The following RHD variants were observed in gnomAD, a reference collection of about 807,000 sequenced individuals.
RHD encodes the protein blood group Rh(D) polypeptide.
In RHD, 16 loss-of-function variants were observed where a neutral mutation model predicts 45.5. The observed-to-expected ratio is 0.35, with a 90% confidence interval of 0.24 to 0.53. The LOEUF (loss-of-function observed/expected upper bound fraction) is 0.53. Ranked by LOEUF, RHD falls within the 20% of genes least tolerant of loss-of-function variation. The probability of loss-of-function intolerance (pLI) is 0.92; values close to 1 mark genes in which losing one functional copy is unlikely to be tolerated. For missense variants in RHD, 306 were observed against 532.0 expected, an observed-to-expected ratio of 0.58 and a Z score of 4.18; for synonymous variants, 131 against 217.5, an observed-to-expected ratio of 0.60 and a Z score of 3.50.
chr1:25,305,750 A>T (rs574989885), intron 6 of RHD, among the ~76,000 whole-genome samples: 2 of 129,760 alleles, frequency 1.5e-5, no homozygotes, highest in African/African-American at 2.7e-5. Flanking sequence ...ACAGGCGCCC[A>T]CCACCACGCC....
In RHD at chr1:25,285,395, A is replaced by C. The variant is rs1035381544; in HGVS notation, c.335+636A>C. Among the ~76,000 whole-genome samples the C allele has an allele frequency of 2.2e-5, 3 of 134,780 alleles. 1 individual carries two copies. The highest frequency in any genetic ancestry group is 7.7e-5 in the African/African-American group (3 of 38,950). The allele number at this position is 134,780 out of a possible 152,430, so 88.4% of individuals were successfully genotyped here. On this transcript the variant is annotated intron_variant, in intron 2 of 9. Transcript: ENST00000328664. Reference sequence around the variant, plus strand: ...GTGATCCGCCCGCCTCGGCCTCCCAAAGTGCTGGGATTACAGACATGAGCC... The same window carrying C: ...GTGATCCGCCCGCCTCGGCCTCCCACAGTGCTGGGATTACAGACATGAGCC...
At chr1:25,322,601 A>C (rs1644775112) in intron 9 of RHD, among the ~76,000 whole-genome samples, 1 of 131,122 alleles carries the variant, frequency 7.6e-6, no homozygotes, top group African/African-American at 2.6e-5. Flanking sequence ...TGAACCTGGG[A>C]AGCGAAGTTT....
intron 8 of RHD, among the ~76,000 whole-genome samples, chr1:25,321,186 G>C (rs1313190833): frequency 3.8e-5 from 5 of 129,882 alleles, no homozygotes; most frequent in African/African-American, 1.0e-4. Context: ...AGCCAGAGAA[G>C]ACAGACCTAT....
intron 7 of RHD, among the ~76,000 whole-genome samples, chr1:25,313,861 T>C (rs1390879493): frequency 1.5e-5 from 2 of 132,916 alleles, no homozygotes; most frequent in Admixed American, 7.3e-5. Context: ...TAAACAACTT[T>C]GGCCATTAGT....
chr1:25,309,351 T>C (rs190821934), intron 7 of RHD, among the ~76,000 whole-genome samples: 5 of 131,370 alleles, frequency 3.8e-5, no homozygotes, highest in Admixed American at 3.7e-4. Flanking sequence ...CCACTTGGCC[T>C]GAGAATCTCT....
At position 25,316,393 on chromosome 1, in the gene RHD, G is replaced by A. The variant is rs1195705545; in HGVS notation, c.1074-607G>A. ...CCAGCACTTTGGGAGGCCGAGGCGG[G>A]CAGATCACTTGAGGTCAGGAGTTCG... On this transcript the variant is annotated intron_variant, in intron 7 of 9. Coordinates refer to ENST00000328664, the MANE Select transcript of RHD (RefSeq NM_016124.6). Among the ~76,000 whole-genome samples, 3 of 129,280 alleles carry A rather than the reference G, an allele frequency of 2.3e-5. 1 individual carries two copies. The highest frequency in any genetic ancestry group is 5.3e-5 in the African/African-American group (2 of 37,410). 84.8% of individuals were successfully genotyped at this position (129,280 alleles called of 152,430 possible). A position where few individuals can be genotyped will look rare whatever the true frequency, so the allele number is the denominator to read the frequency against.
chr1:25,307,751 C>T lies in RHD; in HGVS notation c.1073+1022C>T, dbSNP rs1459965071. 105 of 1,307,076 alleles carry T rather than the reference C, an allele frequency of 8.0e-5. 25 individuals are homozygous for T. Among genetic ancestry groups the T allele is most frequent in the Admixed American group, 1.1e-4 (5 of 47,400 alleles). The allele number at this position is 1,307,076 out of a possible 1,614,324, so 81.0% of individuals were successfully genotyped here. ...AATCATGGAGGCGCTGCGGTTCCTA[C>T]CGGTTCTTGGATGCCTTCTACAGAG... On this transcript the variant is annotated intron_variant, in intron 7 of 9. Coordinates refer to ENST00000328664, the MANE Select transcript of RHD (RefSeq NM_016124.6).
At position 25,307,035 on chromosome 1, in the gene RHD, G is replaced by A. The variant is rs527761269; in HGVS notation, c.1073+306G>A. 2.2e-5 allele frequency: 8 copies of A among 359,624 alleles called. 1 individual carries two copies. In the Admixed American group the frequency reaches 2.8e-4, roughly 13 times the overall value. The allele number at this position is 359,624 out of a possible 1,614,324, so 22.3% of individuals were successfully genotyped here. ...TAGGCCCAAGCCAATTGAGACTGTG[G>A]TTCAGGTCGTGATGCAGAGCTTTGC... is the stretch of plus-strand genomic sequence containing the variant. On this transcript the variant is annotated intron_variant, in intron 7 of 9. Coordinates refer to ENST00000328664, the MANE Select transcript of RHD (RefSeq NM_016124.6).
chr1:25,321,700 A>AAATAAAATAAAATAAAATAC (rs1644718607), intron 8 of RHD, among the ~76,000 whole-genome samples, 189 bp from the exon 9 acceptor site: 1 of 128,346 alleles, frequency 7.8e-6, no homozygotes, highest in Non-Finnish European at 1.8e-5. Context: ...AAATAAAATA[A>AAATAAAATAAAATAAAATAC]AATAAAATAG....
intron 9 of RHD, 84 bp downstream of exon 9, chr1:25,322,046 TTA>T (rs1346317864): frequency 1.3e-6 from 1 of 766,374 alleles, no homozygotes; most frequent in African/African-American, 1.7e-5. Flanking sequence ...GACTTGCTGT[TTA>T]TGAGTAAAAC....
intron 7 of RHD, among the ~76,000 whole-genome samples, chr1:25,307,167 A>G (rs535813865): frequency 1.3e-4 from 17 of 132,104 alleles, no homozygotes; most frequent in Admixed American, 1.1e-3. Context: ...CCCTCACAGG[A>G]CTGTTGGGAT....
At chr1:25,297,915 G>A (rs573184384) in intron 3 of RHD, among the ~76,000 whole-genome samples, 11 of 131,758 alleles carry the variant, frequency 8.3e-5, no homozygotes, top group African/African-American at 2.9e-4. Flanking sequence ...AACTGGCTAT[G>A]AGAAGCCACT....
Position 25,307,842 on chromosome 1 carries a change from G to T in RHD, c.1073+1113G>T. On this transcript the variant is annotated intron_variant, in intron 7 of 9. Coordinates refer to ENST00000328664, the MANE Select transcript of RHD (RefSeq NM_016124.6). ...GTGAGACATCCTTGCTTGGGATGAG[G>T]AGGGGATGAGCTGTGTGAAGCAAGG... 2.3e-6 allele frequency: 3 copies of T among 1,297,928 alleles called. No homozygotes were observed. In the South Asian group the frequency reaches 3.8e-5, roughly 17 times the overall value. The allele number at this position is 1,297,928 out of a possible 1,614,324, so 80.4% of individuals were successfully genotyped here.
Position 25,314,980 on chromosome 1 carries a change from G to A in RHD, c.1074-2020G>A, listed in dbSNP as rs191251815. 3.9e-4 allele frequency among the ~76,000 whole-genome samples: 50 copies of A among 129,702 alleles called. 9 individuals are homozygous for A. The highest frequency in any genetic ancestry group is 9.5e-4 in the South Asian group (4 of 4,208). The allele number at this position is 129,702 out of a possible 152,430, so 85.1% of individuals were successfully genotyped here. On this transcript the variant is annotated intron_variant, in intron 7 of 9. Coordinates refer to ENST00000328664, the MANE Select transcript of RHD (RefSeq NM_016124.6). ...AGCACTTTGGGAGGCTGAGGCTGGC[G>A]GATCACAAGGTCAAGAGATCGAGAT...
rs1640907007 is a variant in RHD, at chr1:25,275,726, G to T, written c.148+3031G>T. Among the ~76,000 whole-genome samples, 2 of 132,672 alleles carry T rather than the reference G, an allele frequency of 1.5e-5. 1 individual carries two copies. The highest frequency in any genetic ancestry group is 4.6e-4 in the South Asian group (2 of 4,348). 87.0% of individuals were successfully genotyped at this position (132,672 alleles called of 152,430 possible). ...TAATCATAATGGTGTCAATCTCCAGGCAGGGTCCATTGCTACAGTTGACGA... is the reference window on the plus strand; with the variant it reads ...TAATCATAATGGTGTCAATCTCCAGTCAGGGTCCATTGCTACAGTTGACGA... On this transcript the variant is annotated intron_variant, in intron 1 of 9. Coordinates refer to ENST00000328664, the MANE Select transcript of RHD (RefSeq NM_016124.6).
At chr1:25,309,734 C>A (rs1336628412) in intron 7 of RHD, among the ~76,000 whole-genome samples, 1 of 131,488 alleles carries the variant, frequency 7.6e-6, no homozygotes, top group East Asian at 2.0e-4. Context: ...ATTCTTGGTT[C>A]ACTTCCCTAA....
intron 7 of RHD, among the ~76,000 whole-genome samples, chr1:25,308,025 A>G (rs1643943241): frequency 3.3e-5 from 1 of 30,206 alleles, no homozygotes; most frequent in Admixed American, 4.6e-4. Flanking sequence ...GAGAACAGGC[A>G]GGGGAAGTTA....
Position 25,291,442 on chromosome 1 carries a change from CT to C in RHD, c.486+652del, listed in dbSNP as rs1224798693. Among the ~76,000 whole-genome samples, 3 of 130,918 alleles carry C rather than the reference CT, an allele frequency of 2.3e-5. 1 individual carries two copies. The highest frequency in any genetic ancestry group is 2.2e-4 in the Admixed American group (3 of 13,448). 85.9% of individuals were successfully genotyped at this position (130,918 alleles called of 152,430 possible). On this transcript the variant is annotated intron_variant, in intron 3 of 9. Transcript: ENST00000328664. ...CGAGATCGCGCCATTGCACTGCAGCCTGGGGGACAAGAGCAAGACTTCATCT... is the reference window on the plus strand; with the variant it reads ...CGAGATCGCGCCATTGCACTGCAGCCGGGGGACAAGAGCAAGACTTCATCT...
rs200717245 is a variant in RHD at position 25,320,056 on chromosome 1, A to G, written c.1154-1833A>G. ...TGGGATTACAGGCATGCACCACCACACCCGGCTAATTTTGTATTTTTAGTA... is the reference window on the plus strand; with the variant it reads ...TGGGATTACAGGCATGCACCACCACGCCCGGCTAATTTTGTATTTTTAGTA... On this transcript the variant is annotated intron_variant, in intron 8 of 9. Coordinates refer to ENST00000328664, the MANE Select transcript of RHD (RefSeq NM_016124.6). 2.1e-4 allele frequency among the ~76,000 whole-genome samples: 28 copies of G among 130,716 alleles called. 4 individuals carry two copies. The highest frequency in any genetic ancestry group is 7.1e-4 in the South Asian group (3 of 4,236). 85.8% of individuals were successfully genotyped at this position (130,716 alleles called of 152,430 possible).
Sources: allele counts gnomAD v4.1 joint callset (sites outside exome capture counted in the v4.1 genomes callset), GRCh38; gene constraint gnomAD v4.1.1; transcripts MANE v1.5; gene names NCBI Gene and HGNC (gene_info 2026-07-23, HGNC 2026-07-21).